SHC2: variants seen among roughly 807,000 people sequenced by gnomAD.
The protein encoded by SHC2 is SHC adaptor protein 2.
SHC2 carries 62 observed loss-of-function variants against 60.6 expected under a neutral mutation model. The observed-to-expected ratio is 1.02, with a 90% confidence interval of 0.83 to 1.26. The LOEUF (loss-of-function observed/expected upper bound fraction) is 1.26. Among genes scored for constraint, SHC2 ranks in the 50% most tolerant of loss-of-function variants. SHC2 has a pLI of 0.00. For synonymous variants in SHC2, 375 were observed against 372.4 expected (o/e 1.01, Z -0.08); for missense variants, 873 against 822.2 (o/e 1.06, Z -0.76).
rs138211141 is a variant in SHC2 at position 439,868 on chromosome 19, A to T, written c.540-838T>A. Among the ~76,000 whole-genome samples the T allele has an allele frequency of 6.4e-3, 969 of 151,854 alleles. 11 individuals are homozygous for T. The highest frequency in any genetic ancestry group is 0.022 in the African/African-American group (905 of 41,406). ...TGGAGAAACCCCGTCTCTACTAAAAACATAAAAACTAGCTGGGTGTGGTGG... is the reference window on the plus strand; with the variant it reads ...TGGAGAAACCCCGTCTCTACTAAAATCATAAAAACTAGCTGGGTGTGGTGG... On this transcript the variant is annotated intron_variant, in intron 2 of 12. Coordinates refer to ENST00000264554, the MANE Select transcript of SHC2 (RefSeq NM_012435.3).
chr19:428,253 G>A (rs1291336471), intron 9 of SHC2, among the ~76,000 whole-genome samples: 2 of 152,212 alleles, frequency 1.3e-5, no homozygotes, highest in African/African-American at 4.8e-5. Context: ...GAAGTGCCCG[G>A]TGGGAATGTC....
intron 1 of SHC2, among the ~76,000 whole-genome samples, chr19:450,430 A>G (rs1055670625): frequency 6.6e-6 from 1 of 152,114 alleles, no homozygotes; most frequent in Non-Finnish European, 1.5e-5. Context: ...GTGGCTGTGC[A>G]GCCACCACCA....
chr19:459,594 G>GGGGGAAGGACCCCACTGAACTCAGTGTAA (rs1299370261), intron 1 of SHC2, among the ~76,000 whole-genome samples: 2 of 149,818 alleles, frequency 1.3e-5, no homozygotes, highest in African/African-American at 2.5e-5. Flanking sequence ...ACTCAGCGTA[G>GGGGGAAGGACCCCACTGAACTCAGTGTAA]GGGGAAGGAC....
Position 425,152 on chromosome 19 carries a change from C to A in SHC2, c.1254G>T (p.Gln418His). The A allele has an allele frequency of 7.2e-7, 1 of 1,384,260 alleles. No individual in the cohort carries two copies. The highest frequency in any genetic ancestry group is 9.4e-7 in the Non-Finnish European group (1 of 1,060,938). The allele number at this position is 1,384,260 out of a possible 1,614,324, so 85.7% of individuals were successfully genotyped here. A position where few individuals can be genotyped will look rare whatever the true frequency, so the allele number is the denominator to read the frequency against. ...DHEEHLYVNT[Q>H]GLDAPEPEDS... ...CCTCCGGCTCGGGGGCGTCCAGACC[C>A]TGGGTGTTGACATACAGGTGCTCCT... The change falls in exon 10 of 13, where the codon CAG becomes CAT. Residue 418 changes from glutamine (Q) to histidine (H), a missense_variant. Coordinates refer to ENST00000264554, the MANE Select transcript of SHC2 (RefSeq NM_012435.3). The surrounding 1 kb of genome is among the most constrained non-coding windows in gnomAD (Gnocchi z 4.1).
intron 7 of SHC2, among the ~76,000 whole-genome samples, chr19:435,099 C>T (rs542430687): frequency 6.6e-5 from 10 of 152,332 alleles, no homozygotes; most frequent in South Asian, 2.1e-4. Context: ...AAAGGCAGGT[C>T]GTTGGCAAAC....
chr19:420,002 C>T (rs977817592), intron 11 of SHC2: 13 of 152,338 alleles, frequency 8.5e-5, no homozygotes, highest in African/African-American at 3.1e-4. Context: ...AATACACATT[C>T]CTAGGCCTGT....
intron 1 of SHC2, among the ~76,000 whole-genome samples, chr19:444,151 AATGG>A (rs894479664): frequency 8.2e-6 from 1 of 122,608 alleles, no homozygotes; most frequent in Admixed American, 7.8e-5. Context: ...TGGGTGGATG[AATGG>A]ATGGATGGAT....
chr19:455,514 G>A (rs1339048919), intron 1 of SHC2, among the ~76,000 whole-genome samples: 3 of 152,236 alleles, frequency 2.0e-5, no homozygotes, highest in South Asian at 4.1e-4. Context: ...GGCCCACGCC[G>A]CTGATTATCC....
intron 1 of SHC2, among the ~76,000 whole-genome samples, chr19:457,310 A>AC (rs200905450): frequency 8.9e-5 from 6 of 67,286 alleles, no homozygotes; most frequent in South Asian, 4.5e-4. Flanking sequence ...CACCTGCTGT[A>AC]CCCCCCCTAG....
At chr19:436,004 C>T (rs572515658) in intron 7 of SHC2, 161 bp downstream of exon 7, 108 of 763,460 alleles carry the variant, frequency 1.4e-4, no homozygotes, top group South Asian at 1.0e-3. Context: ...TGTTAACAGC[C>T]GAGGAAACAG....
intron 1 of SHC2, among the ~76,000 whole-genome samples, chr19:442,904 TG>T (rs1974930824): frequency 8.8e-6 from 1 of 113,496 alleles, no homozygotes; most frequent in Non-Finnish European, 1.8e-5. Flanking sequence ...GATGAATGGA[TG>T]GATGGACGGG....
chr19:445,084 G>A lies in SHC2; in HGVS notation c.469-4152C>T, dbSNP rs1210089897. Reference sequence around the variant, plus strand: ...ACGCTCCACGGCGCCCAGTGCTGCCGGCCATGTGCTTTTTTAAAAAAGAGA... The same window carrying A: ...ACGCTCCACGGCGCCCAGTGCTGCCAGCCATGTGCTTTTTTAAAAAAGAGA... On this transcript the variant is annotated intron_variant, in intron 1 of 12. Coordinates refer to ENST00000264554, the MANE Select transcript of SHC2 (RefSeq NM_012435.3). This position sits in a 1 kb window ranked among gnomAD's most constrained non-coding sequence, Gnocchi z 4.4. Among the ~76,000 whole-genome samples the A allele has an allele frequency of 2.0e-5, 3 of 152,244 alleles. No individual in the cohort carries two copies. The highest frequency in any genetic ancestry group is 4.8e-5 in the African/African-American group (2 of 41,458).
rs1013777509 is a variant in SHC2, at chr19:461,011, G to C, written c.-15C>G. 1.8e-5 allele frequency: 16 copies of C among 890,304 alleles called. No homozygotes were observed. The highest frequency in any genetic ancestry group is 2.0e-5 in the Non-Finnish European group (15 of 744,672). 55.2% of individuals were successfully genotyped at this position (890,304 alleles called of 1,614,324 possible). ...CCCTGCGTCATGGCCGCGGCCGCCC[G>C]ACGGAGCCCGACCGGGCGCTGCGCC... is the stretch of plus-strand genomic sequence containing the variant. On this transcript the variant is annotated 5_prime_UTR_variant, in exon 1 of 13. Coordinates refer to ENST00000264554, the MANE Select transcript of SHC2 (RefSeq NM_012435.3).
intron 1 of SHC2, among the ~76,000 whole-genome samples, chr19:456,791 A>G (rs1975353735): frequency 1.5e-5 from 2 of 129,964 alleles, no homozygotes. Flanking sequence ...TCTGTCTGCA[A>G]TCCCCACCAC....
At chr19:439,386 G>A in intron 2 of SHC2, 1 of 319,392 alleles carries the variant, frequency 3.1e-6, no homozygotes, top group Non-Finnish European at 5.9e-6. Context: ...GGCCCACAAG[G>A]AAGGCTCGGC....
rs137877121 is a variant in SHC2 at position 441,951 on chromosome 19, C to T, written c.469-1019G>A. Among the ~76,000 whole-genome samples the T allele has an allele frequency of 8.7e-4, 132 of 152,322 alleles. No homozygotes were observed. Among genetic ancestry groups the T allele is most frequent in the African/African-American group, 3.0e-3 (126 of 41,564 alleles). On this transcript the variant is annotated intron_variant, in intron 1 of 12. Transcript: ENST00000264554. The surrounding 1 kb of genome is among the most constrained non-coding windows in gnomAD (Gnocchi z 4.9). ...GGTGTGTACAGGTCACTGTGTGGGCCGGCCCAGGCTCTGCCCCTCTCCACG... is the reference window on the plus strand; with the variant it reads ...GGTGTGTACAGGTCACTGTGTGGGCTGGCCCAGGCTCTGCCCCTCTCCACG...
rs183902761 is a variant in SHC2, at chr19:440,492, G to A, written c.539+370C>T. 3.3e-5 allele frequency among the ~76,000 whole-genome samples: 5 copies of A among 152,254 alleles called. No individual in the cohort carries two copies. Among genetic ancestry groups the A allele is most frequent in the African/African-American group, 7.2e-5 (3 of 41,530 alleles). On this transcript the variant is annotated intron_variant, in intron 2 of 12. Coordinates refer to ENST00000264554, the MANE Select transcript of SHC2 (RefSeq NM_012435.3). The surrounding 1 kb of genome is among the most constrained non-coding windows in gnomAD (Gnocchi z 7.0). ...CCCCTGTGATTGCTTTCCAGACACC[G>A]CATAGCATCCTGAGGTCACCGTGTG...
intron 1 of SHC2, 90 bp downstream of exon 1, chr19:460,439 T>A: frequency 6.4e-6 from 3 of 469,774 alleles, no homozygotes; most frequent in Non-Finnish European, 8.5e-6. Context: ...AGGGGACACC[T>A]GGCTCGCGGG....
intron 9 of SHC2, among the ~76,000 whole-genome samples, chr19:426,114 C>T (rs568475817): frequency 6.6e-6 from 1 of 152,288 alleles, no homozygotes; most frequent in Non-Finnish European, 1.5e-5. Context: ...CGGGAGCTGC[C>T]TGGACCCCAT....
Sources: gnomAD v4.1 joint callset for allele counts (sites outside exome capture counted in the v4.1 genomes callset) on GRCh38, gnomAD v4.1.1 for gene constraint, Gnocchi (gnomAD v3.1) non-coding constraint, MANE v1.5 for transcripts, NCBI Gene and HGNC (gene_info 2026-07-23, HGNC 2026-07-21) for gene names.